ZDHHC21: variants seen among roughly 807,000 people sequenced by gnomAD.
ZDHHC21 encodes the protein zDHHC palmitoyltransferase 21, also known as palmitoyltransferase ZDHHC21.
Under a neutral mutation model 34.6 loss-of-function variants are expected in ZDHHC21, and 15 were observed. The ratio of observed to expected loss-of-function variants is 0.43; its 90% CI spans 0.29 to 0.67. ZDHHC21 has a LOEUF of 0.67. Ranked by LOEUF, ZDHHC21 falls within the 30% of genes least tolerant of loss-of-function variation. ZDHHC21 has a pLI of 0.14. For missense variants in ZDHHC21, 344 were observed against 327.7 expected (o/e 1.05, Z -0.38); for synonymous variants, 142 against 101.8 (o/e 1.40, Z -2.38).
rs1245921166 is a variant in ZDHHC21 at position 14,693,379 on chromosome 9, G to C, written c.-375C>G. On this transcript the variant is annotated 5_prime_UTR_variant, in exon 1 of 10. Transcript: ENST00000380916. ...CCGCTTCCGGGAGCCTGAGGGCCTG[G>C]ACCGGCCGAGTGGGTGTCCGCATGC... The C allele has an allele frequency of 8.3e-6, 3 of 362,188 alleles. No homozygotes were observed. Among genetic ancestry groups the C allele is most frequent in the African/African-American group, 6.8e-5 (3 of 44,224 alleles). The allele number at this position is 362,188 out of a possible 1,614,324, so 22.4% of individuals were successfully genotyped here.
chr9:14,603,627 T>C, the ZDHHC21 span, among the ~76,000 whole-genome samples: 1 of 152,220 alleles, frequency 6.6e-6, no homozygotes, highest in Non-Finnish European at 1.5e-5. Flanking sequence ...TCATGTGATA[T>C]ATAAATTACT....
At chr9:14,658,585 C>T (rs1365246835) in intron 7 of ZDHHC21, among the ~76,000 whole-genome samples, 164 bp downstream of exon 7, 1 of 147,950 alleles carries the variant, frequency 6.8e-6, no homozygotes, top group Non-Finnish European at 1.5e-5. Flanking sequence ...CATTCTCCTG[C>T]CTCAGCCTCC....
rs182069793 is a variant in ZDHHC21 at position 14,686,943 on chromosome 9, A to C, written c.-176+3394T>G. ...AGCAGAGACTGTACTACAGCACTCC[A>C]GCCTGGGCGACAGGGCGAGACTTCA... On this transcript the variant is annotated intron_variant, in intron 2 of 9. Transcript: ENST00000380916. Among the ~76,000 whole-genome samples, 305 of 149,400 alleles carry C rather than the reference A, an allele frequency of 2.0e-3. 2 individuals are homozygous for C. The highest frequency in any genetic ancestry group is 6.8e-3 in the Middle Eastern group (2 of 294).
At chr9:14,654,981 T>G (rs866850715) in intron 7 of ZDHHC21, among the ~76,000 whole-genome samples, 1 of 151,862 alleles carries the variant, frequency 6.6e-6, no homozygotes, top group South Asian at 2.1e-4. Flanking sequence ...AACTTAAGAA[T>G]GACATCAGGC....
At chr9:14,689,413 T>C (rs1160293585) in intron 2 of ZDHHC21, among the ~76,000 whole-genome samples, 1 of 152,208 alleles carries the variant, frequency 6.6e-6, no homozygotes, top group African/African-American at 2.4e-5. Flanking sequence ...CAGGAAGACT[T>C]TGTAAAAACG....
the ZDHHC21 span, among the ~76,000 whole-genome samples, chr9:14,596,430 G>A: frequency 2.0e-5 from 3 of 152,166 alleles, no homozygotes; most frequent in East Asian, 5.8e-4. Flanking sequence ...ACCTGGAAAT[G>A]GGTGGCATCC....
intron 8 of ZDHHC21, among the ~76,000 whole-genome samples, chr9:14,623,799 T>C (rs1298628988): frequency 1.3e-5 from 2 of 152,034 alleles, no homozygotes; most frequent in East Asian, 3.9e-4. Context: ...AATCATGTCA[T>C]CCCAATCAGA....
chr9:14,675,867 A>C (rs952599357), intron 3 of ZDHHC21, among the ~76,000 whole-genome samples: 1 of 151,988 alleles, frequency 6.6e-6, no homozygotes, highest in African/African-American at 2.4e-5. Flanking sequence ...AAGTTATCTA[A>C]GCAATGAAAA....
rs528241693 is a variant in ZDHHC21, at chr9:14,677,263, A to G, written c.-46+2770T>C. ...CACAGGATAGAAAAATAAAACAACA[A>G]ACAAATAAGATGTTGAATATATTTT... On this transcript the variant is annotated intron_variant, in intron 3 of 9. Transcript: ENST00000380916. 6 of 148,976 alleles carry G rather than the reference A, an allele frequency of 4.0e-5. No homozygotes were observed. The South Asian group carries it at 1.3e-3, about 32-fold the overall frequency. The allele number at this position is 148,976 out of a possible 1,614,324, so 9.2% of individuals were successfully genotyped here. A position where few individuals can be genotyped will look rare whatever the true frequency, so the allele number is the denominator to read the frequency against.
the ZDHHC21 span, among the ~76,000 whole-genome samples, chr9:14,601,019 T>A: frequency 6.6e-6 from 1 of 152,118 alleles, no homozygotes; most frequent in Admixed American, 6.5e-5. Flanking sequence ...ATTAAAGACT[T>A]ACTGTAAGAC....
chr9:14,665,907 A>G (rs1225405637), intron 5 of ZDHHC21, among the ~76,000 whole-genome samples: 1 of 149,900 alleles, frequency 6.7e-6, no homozygotes, highest in African/African-American at 2.4e-5. Flanking sequence ...CCAAAATGTA[A>G]AGACCATCGA....
intron 7 of ZDHHC21, among the ~76,000 whole-genome samples, chr9:14,646,615 T>C (rs1443823711): frequency 6.6e-6 from 1 of 152,104 alleles, no homozygotes; most frequent in Non-Finnish European, 1.5e-5. Context: ...TCCTTGCTAT[T>C]TCTCAGACAT....
chr9:14,633,573 G>T (rs905428274), intron 8 of ZDHHC21, among the ~76,000 whole-genome samples: 6 of 152,096 alleles, frequency 3.9e-5, no homozygotes, highest in Non-Finnish European at 8.8e-5. Flanking sequence ...ACTGTATCCT[G>T]CCAGTGAGCC....
chr9:14,607,869 T>C (rs961542187), downstream of ZDHHC21, among the ~76,000 whole-genome samples: 2 of 152,100 alleles, frequency 1.3e-5, no homozygotes, highest in Non-Finnish European at 2.9e-5. Flanking sequence ...ATTACCCAAA[T>C]TATTGGAGAC....
chr9:14,687,812 A>T (rs1178261984), intron 2 of ZDHHC21, among the ~76,000 whole-genome samples: 4 of 151,024 alleles, frequency 2.6e-5, no homozygotes, highest in Non-Finnish European at 5.9e-5. Context: ...AAAGAATACA[A>T]TCTAACAATT....
chr9:14,659,467 T>C (rs1006048739), intron 6 of ZDHHC21, among the ~76,000 whole-genome samples: 7 of 152,292 alleles, frequency 4.6e-5, no homozygotes, highest in South Asian at 2.1e-4. Context: ...AATACAACAG[T>C]GAACCCTAAC....
At chr9:14,652,489 GAT>G (rs1831405552) in intron 7 of ZDHHC21, among the ~76,000 whole-genome samples, 1 of 151,810 alleles carries the variant, frequency 6.6e-6, no homozygotes. Flanking sequence ...GAACGTTCGT[GAT>G]AAAAGAATAT....
intron 5 of ZDHHC21, among the ~76,000 whole-genome samples, chr9:14,671,960 G>GT (rs1290653642): frequency 6.6e-6 from 1 of 152,040 alleles, no homozygotes; most frequent in African/African-American, 2.4e-5. Flanking sequence ...AAACAAACAT[G>GT]TAACTATTTC....
chr9:14,620,069 T>C (rs1825020798), intron 8 of ZDHHC21, among the ~76,000 whole-genome samples: 1 of 152,032 alleles, frequency 6.6e-6, no homozygotes, highest in Non-Finnish European at 1.5e-5. Context: ...TGAAAGAAAC[T>C]AATGAACAGA....
Sources: gnomAD v4.1 joint callset for allele counts (sites outside exome capture counted in the v4.1 genomes callset) on GRCh38, gnomAD v4.1.1 for gene constraint, MANE v1.5 for transcripts, NCBI Gene and HGNC (gene_info 2026-07-23, HGNC 2026-07-21) for gene names.